The following CRK variants were observed in gnomAD, a reference collection of about 807,000 sequenced individuals.
CRK encodes adapter molecule crk.
CRK carries 4 observed loss-of-function variants against 29.8 expected under a neutral mutation model. That is an observed-to-expected ratio of 0.13 (90% CI 0.07 to 0.31). The LOEUF (loss-of-function observed/expected upper bound fraction) is 0.31. Ranked by LOEUF, CRK falls within the 10% of genes least tolerant of loss-of-function variation. The pLI, the probability that CRK is intolerant of heterozygous loss-of-function variation, is 1.00. For missense variants in CRK, 274 were observed against 396.5 expected, an observed-to-expected ratio of 0.69 and a Z score of 2.62; for synonymous variants, 153 against 164.9, an observed-to-expected ratio of 0.93 and a Z score of 0.55.
chr17:1,435,574 A>G (rs972470698), intron 2 of CRK, among the ~76,000 whole-genome samples: 4 of 152,100 alleles, frequency 2.6e-5, no homozygotes, highest in African/African-American at 9.7e-5. Context: ...GTAGAAATCT[A>G]TTTTCCTCCA....
intron 1 of CRK, among the ~76,000 whole-genome samples, chr17:1,444,428 C>G (rs1000861102): frequency 6.6e-6 from 1 of 152,124 alleles, no homozygotes; most frequent in Non-Finnish European, 1.5e-5. Flanking sequence ...ACTTCGGAGG[C>G]TGAGGTGGAT....
At chr17:1,437,217 T>C in intron 1 of CRK, 62 bp from the exon 2 acceptor site, 2 of 1,484,224 alleles carry the variant, frequency 1.3e-6, no homozygotes, top group Non-Finnish European at 1.8e-6. Context: ...AAATGCAGAT[T>C]TTATTTTTAT....
intron 2 of CRK, among the ~76,000 whole-genome samples, chr17:1,436,276 C>A (rs999776247): frequency 1.3e-5 from 2 of 152,152 alleles, no homozygotes; most frequent in African/African-American, 4.8e-5. Flanking sequence ...AACCCACCTT[C>A]TTTTAGACAA....
At chr17:1,447,261 A>C (rs2073982756) in intron 1 of CRK, among the ~76,000 whole-genome samples, 1 of 152,246 alleles carries the variant, frequency 6.6e-6, no homozygotes, top group Non-Finnish European at 1.5e-5. Context: ...AAGCAACGAC[A>C]GGATTCTCAT....
intron 2 of CRK, among the ~76,000 whole-genome samples, chr17:1,425,159 A>T (rs28421105): frequency 6.6e-6 from 1 of 151,292 alleles, no homozygotes; most frequent in Non-Finnish European, 1.5e-5. Context: ...GCGCTATCTC[A>T]GCTCACTGCA....
Position 1,455,925 on chromosome 17 carries a change from T to C in CRK, c.193A>G (p.Ser65Gly), listed in dbSNP as rs1291990121. 2.5e-6 allele frequency: 4 copies of C among 1,590,184 alleles called. No individual in the cohort carries two copies. The highest frequency in any genetic ancestry group is 2.6e-6 in the Non-Finnish European group (3 of 1,171,048). Residue 65 changes from serine (S) to glycine (G), a missense_variant, in exon 1 of 3, where the codon AGC (serine) becomes GGC (glycine). By Grantham distance (56) the Ser-to-Gly change is moderately conservative. Coordinates refer to ENST00000300574, the MANE Select transcript of CRK (RefSeq NM_016823.4). The part of the protein sequence containing the change: ...SRVSHYIINS[S>G]GPRPPVPPSP... The stretch of plus-strand genomic sequence containing the variant: ...GGTGGCACCGGCGGGCGCGGGCCGC[T>C]GCTGTTGATGATGTAGTGGGAGACG...
chr17:1,423,457 T>C lies in CRK; in HGVS notation c.*56A>G, dbSNP rs181367214. On this transcript the variant is annotated 3_prime_UTR_variant, in exon 3 of 3. Coordinates refer to ENST00000300574, the MANE Select transcript of CRK (RefSeq NM_016823.4). Reference sequence around the variant, plus strand: ...TGTAAGAAAATTGTATAGATGGCAGTTGGAAAAAAAAAAAAAAGATTGTTC... The same window carrying C: ...TGTAAGAAAATTGTATAGATGGCAGCTGGAAAAAAAAAAAAAAGATTGTTC... 1.5e-5 allele frequency: 24 copies of C among 1,554,232 alleles called. No homozygotes were observed. The East Asian group carries it at 1.6e-4, about 10-fold the overall frequency.
At chr17:1,452,741 T>C (rs979999704) in intron 1 of CRK, among the ~76,000 whole-genome samples, 18 of 149,948 alleles carry the variant, frequency 1.2e-4, no homozygotes, top group South Asian at 6.3e-4. Flanking sequence ...AGTGGGCCAA[T>C]ATCGCGCCAT....
chr17:1,455,487 T>C (rs1170382281), intron 1 of CRK, among the ~76,000 whole-genome samples: 1 of 152,082 alleles, frequency 6.6e-6, no homozygotes, highest in African/African-American at 2.4e-5. Context: ...AAGCCACTTG[T>C]AGGATTATCG....
intron 1 of CRK, among the ~76,000 whole-genome samples, chr17:1,439,119 G>A (rs1280983138): frequency 6.6e-6 from 1 of 151,750 alleles, no homozygotes; most frequent in Non-Finnish European, 1.5e-5. Flanking sequence ...ACACCACGAC[G>A]GAGTCTCGCT....
intron 1 of CRK, among the ~76,000 whole-genome samples, chr17:1,450,406 C>T (rs2074008175): frequency 6.6e-6 from 1 of 151,878 alleles, no homozygotes; most frequent in African/African-American, 2.4e-5. Flanking sequence ...GCTCAGGAGG[C>T]TGAGGGAGGA....
In CRK at chr17:1,420,889, C is replaced by A. The variant is rs2073717940; in HGVS notation, c.*2624G>T. ...GGTTTGCTTATCACCTATTTCAAACCATTAACAGTGAAATGTTACTTGTGG... is the reference window on the plus strand; with the variant it reads ...GGTTTGCTTATCACCTATTTCAAACAATTAACAGTGAAATGTTACTTGTGG... On this transcript the variant is annotated 3_prime_UTR_variant, in exon 3 of 3. Transcript: ENST00000300574. 6.6e-6 allele frequency: 1 copy of A among 151,886 alleles called. No homozygotes were observed. Among genetic ancestry groups the A allele is most frequent in the African/African-American group, 2.4e-5 (1 of 41,342 alleles). The allele number at this position is 151,886 out of a possible 1,614,324, so 9.4% of individuals were successfully genotyped here.
chr17:1,423,410 A>G lies in CRK; in HGVS notation c.*103T>C. The G allele has an allele frequency of 7.1e-7, 1 of 1,412,118 alleles. No homozygotes were observed. Among genetic ancestry groups the G allele is most frequent in the Non-Finnish European group, 9.6e-7 (1 of 1,039,302 alleles). The allele number at this position is 1,412,118 out of a possible 1,614,324, so 87.5% of individuals were successfully genotyped here. On this transcript the variant is annotated 3_prime_UTR_variant, in exon 3 of 3. Transcript: ENST00000300574. ...ATCACAGGTAACAGAATGCTTATAT[A>G]AACTAGACTGCTTTTGACATCTGTA...
intron 2 of CRK, 46 bp downstream of exon 2, chr17:1,436,574 G>A: frequency 1.3e-6 from 2 of 1,541,422 alleles, no homozygotes; most frequent in South Asian, 2.6e-5. Context: ...ACCGAGAGGA[G>A]ACCCTGCAGC....
chr17:1,444,863 TA>T (rs2150910514), intron 1 of CRK, among the ~76,000 whole-genome samples: 2 of 133,242 alleles, frequency 1.5e-5, no homozygotes, highest in South Asian at 2.4e-4. Context: ...AAGAATGGCA[TA>T]GGGGCCAGGC....
intron 2 of CRK, 123 bp downstream of exon 2, chr17:1,436,497 T>G (rs1598298427): frequency 9.3e-7 from 1 of 1,070,726 alleles, no homozygotes; most frequent in East Asian, 2.7e-5. Flanking sequence ...CCAACATCAG[T>G]GCTTAGCGGC....
At chr17:1,450,658 C>T (rs144326016) in intron 1 of CRK, among the ~76,000 whole-genome samples, 586 of 151,060 alleles carry the variant, frequency 3.9e-3, no homozygotes, top group Non-Finnish European at 6.1e-3. Context: ...CCGAGGCGAG[C>T]GGATCACTTG....
At chr17:1,435,678 TGGTG>T (rs1294966919) in intron 2 of CRK, among the ~76,000 whole-genome samples, 2 of 151,676 alleles carry the variant, frequency 1.3e-5, no homozygotes, top group Non-Finnish European at 2.9e-5. Flanking sequence ...CCACCACGCC[TGGTG>T]ATTTTTTTTT....
At chr17:1,431,747 T>C (rs7225673) in intron 2 of CRK, among the ~76,000 whole-genome samples, 2,065 of 152,182 alleles carry the variant, frequency 0.014, 43 homozygotes, top group African/African-American at 0.039. Context: ...GCACCACACT[T>C]GGCTAATTCT....
Sources: gnomAD v4.1 joint callset for allele counts (sites outside exome capture counted in the v4.1 genomes callset) on GRCh38, gnomAD v4.1.1 for gene constraint, MANE v1.5 for transcripts, NCBI Gene and HGNC (gene_info 2026-07-23, HGNC 2026-07-21) for gene names.